LRRC4C: variants seen among roughly 807,000 people sequenced by gnomAD.
LRRC4C encodes leucine-rich repeat-containing protein 4C.
A neutral mutation model predicts 33.6 loss-of-function variants in LRRC4C; 5 were observed. That is an observed-to-expected ratio of 0.15 (90% CI 0.08 to 0.31). LRRC4C has a LOEUF of 0.31. LRRC4C is among the 10% of genes least tolerant of loss of function. The pLI is 1.00. For synonymous variants in LRRC4C, 329 were observed against 302.0 expected (o/e 1.09, Z -0.93); for missense variants, 560 against 796.7 (o/e 0.70, Z 3.58).
intron 2 of LRRC4C, among the ~76,000 whole-genome samples, chr11:40,861,814 A>C (rs1483634541): frequency 6.6e-6 from 1 of 152,176 alleles, no homozygotes; most frequent in Non-Finnish European, 1.5e-5. Context: ...TGGAAAGTGA[A>C]GTGGGACCAG....
chr11:40,406,955 A>G (rs2137597427), intron 3 of LRRC4C, among the ~76,000 whole-genome samples: 2 of 152,230 alleles, frequency 1.3e-5, no homozygotes, highest in Middle Eastern at 6.8e-3. Context: ...TATGTGTAAT[A>G]AGAGATACAT....
At chr11:40,476,345 T>TG (rs71060963) in intron 3 of LRRC4C, among the ~76,000 whole-genome samples, 1 of 136,502 alleles carries the variant, frequency 7.3e-6, no homozygotes, top group South Asian at 2.5e-4. Flanking sequence ...TTTTCTTCTT[T>TG]TTTTTTTTTT....
chr11:41,147,246 G>T (rs1162898406), intron 1 of LRRC4C, among the ~76,000 whole-genome samples: 1 of 152,084 alleles, frequency 6.6e-6, no homozygotes, highest in Non-Finnish European at 1.5e-5. Flanking sequence ...CTCACACTAG[G>T]TAAAACATCC....
At chr11:41,279,428 A>ACACACACACACCC (rs58139193) in intron 1 of LRRC4C, among the ~76,000 whole-genome samples, 135 of 140,882 alleles carry the variant, frequency 9.6e-4, no homozygotes, top group Non-Finnish European at 1.3e-3. Flanking sequence ...ACACACACAC[A>ACACACACACACCC]CCGTGGCAAT....
At chr11:40,983,940 G>A (rs1342104352) in intron 1 of LRRC4C, among the ~76,000 whole-genome samples, 2 of 152,184 alleles carry the variant, frequency 1.3e-5, no homozygotes, top group Non-Finnish European at 2.9e-5. Flanking sequence ...GCTAAGTGAG[G>A]AATTTTAAAT....
At chr11:40,951,646 A>G (rs533168479) in intron 1 of LRRC4C, among the ~76,000 whole-genome samples, 1 of 152,148 alleles carries the variant, frequency 6.6e-6, no homozygotes, top group Admixed American at 6.6e-5. Flanking sequence ...TATAATAAGC[A>G]TATGCACCAA....
intron 5 of LRRC4C, among the ~76,000 whole-genome samples, chr11:40,192,879 G>T (rs532654295): frequency 6.6e-6 from 1 of 152,270 alleles, no homozygotes; most frequent in Non-Finnish European, 1.5e-5. Flanking sequence ...CCACAAAGCC[G>T]CTGTAGCCAG....
chr11:40,301,695 G>T (rs1944780945), intron 4 of LRRC4C, among the ~76,000 whole-genome samples: 1 of 152,160 alleles, frequency 6.6e-6, no homozygotes, highest in Admixed American at 6.5e-5. Flanking sequence ...TTACTATTGT[G>T]CTTTCAGAAG....
rs759358282 is a variant in LRRC4C at position 40,115,480 on chromosome 11, C to T, written c.813G>A (p.Glu271=). ...NAFDNLQSLV[E]INLAHNNLTL... ...TTAGATTATTGTGTGCCAGGTTGAT[C>T]TCCACTAGTGACTGAAGGTTGTCAA... Residue 271 remains glutamate (E), a synonymous_variant, in exon 7 of 7, where the codon GAG becomes GAA. Transcript: ENST00000528697. This position sits in a 1 kb window ranked among gnomAD's most constrained non-coding sequence, Gnocchi z 6.7. 1.6e-5 allele frequency: 26 copies of T among 1,614,052 alleles called. No individual in the cohort carries two copies. The highest frequency in any genetic ancestry group is 3.3e-5 in the Admixed American group (2 of 60,004).
At chr11:40,924,861 T>C (rs920569588) in intron 2 of LRRC4C, among the ~76,000 whole-genome samples, 1 of 152,058 alleles carries the variant, frequency 6.6e-6, no homozygotes, top group Non-Finnish European at 1.5e-5. Flanking sequence ...GAGAGGGACC[T>C]CCTCCATAGA....
intron 1 of LRRC4C, among the ~76,000 whole-genome samples, chr11:40,969,908 C>A (rs1337109135): frequency 6.6e-6 from 1 of 152,078 alleles, no homozygotes; most frequent in Non-Finnish European, 1.5e-5. Context: ...GTTGTGTTAT[C>A]CTGTGAGATG....
chr11:41,379,146 A>G (rs2137869244), intron 1 of LRRC4C, among the ~76,000 whole-genome samples: 1 of 152,250 alleles, frequency 6.6e-6, no homozygotes, highest in East Asian at 1.9e-4. Context: ...AAAGAATTAT[A>G]ATCTAAGTGG....
At chr11:40,922,036 C>G (rs1957206270) in intron 2 of LRRC4C, among the ~76,000 whole-genome samples, 1 of 152,150 alleles carries the variant, frequency 6.6e-6, no homozygotes, top group African/African-American at 2.4e-5. Flanking sequence ...TGGCAATACT[C>G]TCAGTTATCA....
At chr11:40,565,165 T>C (rs1406699422) in intron 3 of LRRC4C, among the ~76,000 whole-genome samples, 1 of 152,178 alleles carries the variant, frequency 6.6e-6, no homozygotes. Flanking sequence ...CCTTCTTCAA[T>C]GTTTCCTCTC....
intron 6 of LRRC4C, among the ~76,000 whole-genome samples, chr11:40,135,884 G>C (rs1590475658): frequency 6.6e-6 from 1 of 152,274 alleles, no homozygotes; most frequent in African/African-American, 2.4e-5. Flanking sequence ...AAATCAGTGT[G>C]TACAAAGTAC....
chr11:40,910,076 T>C (rs1406871016), intron 2 of LRRC4C, among the ~76,000 whole-genome samples: 1 of 152,128 alleles, frequency 6.6e-6, no homozygotes, highest in East Asian at 1.9e-4. Flanking sequence ...ATAAGACCTG[T>C]ATTTAAAACT....
chr11:40,786,129 G>T (rs1028714371), intron 2 of LRRC4C, among the ~76,000 whole-genome samples: 3 of 152,172 alleles, frequency 2.0e-5, no homozygotes, highest in Non-Finnish European at 2.9e-5. Context: ...TATGCTTTCA[G>T]CTGTGAGTTT....
At chr11:41,209,409 C>A (rs927594977) in intron 1 of LRRC4C, among the ~76,000 whole-genome samples, 1 of 151,636 alleles carries the variant, frequency 6.6e-6, no homozygotes, top group African/African-American at 2.4e-5. Context: ...AAGCACAAAA[C>A]CCGTAGTTTC....
rs938875928 is a variant in LRRC4C, at chr11:40,329,558, A to G, written c.-269-9837T>C. 2.6e-5 allele frequency among the ~76,000 whole-genome samples: 4 copies of G among 152,098 alleles called. No individual in the cohort carries two copies. In the South Asian group the frequency reaches 8.3e-4, roughly 32 times the overall value. ...ACCTCGTGGTATAGAACAGGAACCA[A>G]AGGTAGGGTTGACAGGAAACAGGAA... On this transcript the variant is annotated intron_variant, in intron 3 of 6. Transcript: ENST00000528697.
Sources: allele counts gnomAD v4.1 joint callset (sites outside exome capture counted in the v4.1 genomes callset), GRCh38; gene constraint gnomAD v4.1.1; non-coding constraint Gnocchi (gnomAD v3.1); transcripts MANE v1.5; gene names NCBI Gene and HGNC (gene_info 2026-07-23, HGNC 2026-07-21).